The following NRP1 variants were observed in gnomAD, a reference collection of about 807,000 sequenced individuals.
NRP1 encodes neuropilin-1.
NRP1 carries 35 observed loss-of-function variants against 106.7 expected under a neutral mutation model. That is an observed-to-expected ratio of 0.33 (90% CI 0.25 to 0.43). NRP1 has a LOEUF of 0.43. NRP1 is among the 20% of genes least tolerant of loss of function. The pLI is 1.00. For missense variants in NRP1, 1,024 were observed against 1,170.4 expected, an observed-to-expected ratio of 0.87 and a Z score of 1.83; for synonymous variants, 437 against 417.9, an observed-to-expected ratio of 1.05 and a Z score of -0.56.
At chr10:33,262,268 T>C (rs920371734) in intron 4 of NRP1, among the ~76,000 whole-genome samples, 1 of 152,224 alleles carries the variant, frequency 6.6e-6, no homozygotes, top group African/African-American at 2.4e-5. Context: ...ATTATCCCCC[T>C]CTGTTCAGAA....
chr10:33,223,446 C>T (rs1839413753), intron 7 of NRP1, among the ~76,000 whole-genome samples: 1 of 149,128 alleles, frequency 6.7e-6, no homozygotes, highest in Non-Finnish European at 1.5e-5. Context: ...CATAGTGAGA[C>T]TCCATCTCTC....
intron 2 of NRP1, among the ~76,000 whole-genome samples, chr10:33,284,497 A>T (rs1844374356): frequency 6.6e-6 from 1 of 152,206 alleles, no homozygotes; most frequent in Non-Finnish European, 1.5e-5. Flanking sequence ...TCCAGTTGAA[A>T]CTTATTAAAA....
intron 11 of NRP1, among the ~76,000 whole-genome samples, chr10:33,200,571 T>A (rs1383476855): frequency 6.6e-6 from 1 of 152,184 alleles, no homozygotes; most frequent in Non-Finnish European, 1.5e-5. Flanking sequence ...TGATCCCAAT[T>A]TCCATGTTCT....
intron 2 of NRP1, among the ~76,000 whole-genome samples, chr10:33,314,641 C>T (rs539531336): frequency 1.2e-4 from 19 of 152,086 alleles, no homozygotes; most frequent in Admixed American, 7.9e-4. Context: ...TTGTGCCACA[C>T]GCCTTAAGAA....
At position 33,319,514 on chromosome 10, in the gene NRP1, T is replaced by G. The variant is rs113961739; in HGVS notation, c.248+11194A>C. 6.0e-3 allele frequency among the ~76,000 whole-genome samples: 915 copies of G among 151,562 alleles called. 12 individuals carry two copies. Among genetic ancestry groups the G allele is most frequent in the African/African-American group, 0.02 (846 of 41,358 alleles). On this transcript the variant is annotated intron_variant, in intron 2 of 16. Coordinates refer to ENST00000374867, the MANE Select transcript of NRP1 (RefSeq NM_003873.7). ...GGCTGTGGAAGCTTTGTTCTTTCCCTCCTCACAATAAATCTTGCTGGTGCT... is the reference window on the plus strand; with the variant it reads ...GGCTGTGGAAGCTTTGTTCTTTCCCGCCTCACAATAAATCTTGCTGGTGCT...
intron 12 of NRP1, 117 bp from the exon 13 acceptor site, chr10:33,192,535 C>A (rs1190073307): frequency 4.6e-6 from 5 of 1,080,422 alleles, no homozygotes; most frequent in Admixed American, 5.1e-5. Flanking sequence ...AACTTTATGT[C>A]TGTTTGAAAA....
intron 15 of NRP1, among the ~76,000 whole-genome samples, chr10:33,185,282 A>T (rs1048894138): frequency 1.3e-5 from 2 of 152,238 alleles, no homozygotes; most frequent in African/African-American, 4.8e-5. Flanking sequence ...GATATTTGGA[A>T]TTATCCAGAT....
chr10:33,289,316 G>A (rs1319058288), intron 2 of NRP1, among the ~76,000 whole-genome samples: 1 of 152,052 alleles, frequency 6.6e-6, no homozygotes, highest in African/African-American at 2.4e-5. Flanking sequence ...CAAATACTTA[G>A]GGGGCTTAGT....
chr10:33,327,365 T>C (rs1167722744), intron 2 of NRP1, among the ~76,000 whole-genome samples: 1 of 152,120 alleles, frequency 6.6e-6, no homozygotes, highest in East Asian at 1.9e-4. Flanking sequence ...GACATCAGCA[T>C]AGCAAATGTT....
chr10:33,279,857 G>A (rs1472956346), intron 2 of NRP1, among the ~76,000 whole-genome samples: 1 of 152,200 alleles, frequency 6.6e-6, no homozygotes, highest in Non-Finnish European at 1.5e-5. Context: ...GCAGGACTGG[G>A]AAGCAAGTGA....
In NRP1 at chr10:33,180,358, C is replaced by A. The variant is rs2229936; in HGVS notation, c.2490G>T (p.Thr830=). 1.1e-5 allele frequency: 17 copies of A among 1,589,690 alleles called. 1 individual carries two copies. In the South Asian group the frequency reaches 1.6e-4, roughly 15 times the overall value. Residue 830 remains threonine, a synonymous_variant, in exon 17 of 17, where the codon ACG becomes ACT. Coordinates refer to ENST00000374867, the MANE Select transcript of NRP1 (RefSeq NM_003873.7). ...PEIKIDETGS[T]PGYEGEGEGD... is the part of the protein sequence containing the mutation. Reference sequence around the variant, plus strand: ...CTTCTCCTTCACCTTCGTATCCTGGCGTGCTCCCTATGGAAAAAAACAATA... The same window carrying A: ...CTTCTCCTTCACCTTCGTATCCTGGAGTGCTCCCTATGGAAAAAAACAATA...
intron 2 of NRP1, 57 bp downstream of exon 2, chr10:33,330,651 A>G (rs775382861): frequency 4.5e-5 from 66 of 1,467,372 alleles, no homozygotes; most frequent in Admixed American, 2.4e-4. Flanking sequence ...CCCCCCGTAG[A>G]CAGGCGTGAC....
At chr10:33,218,202 C>T (rs571244365) in intron 8 of NRP1, among the ~76,000 whole-genome samples, 2 of 152,262 alleles carry the variant, frequency 1.3e-5, no homozygotes, top group African/African-American at 4.8e-5. Context: ...AATGATGAAG[C>T]CTACTTTGTC....
At position 33,330,944 on chromosome 10, in the gene NRP1, A is replaced by G. The variant is rs952552898; in HGVS notation, c.74-62T>C. Reference sequence around the variant, plus strand: ...ACAACCTGTTAGGTAATCTAGCTTTATATGTAAATTACTGGTTATTAAACA... The same window carrying G: ...ACAACCTGTTAGGTAATCTAGCTTTGTATGTAAATTACTGGTTATTAAACA... On this transcript the variant is annotated intron_variant, in intron 1 of 16. Transcript: ENST00000374867. 10 of 1,388,556 alleles carry G rather than the reference A, an allele frequency of 7.2e-6. No homozygotes were observed. The African/African-American group carries it at 8.7e-5, about 12-fold the overall frequency. 86.0% of individuals were successfully genotyped at this position (1,388,556 alleles called of 1,614,324 possible).
chr10:33,332,704 G>C (rs952472207), intron 1 of NRP1, among the ~76,000 whole-genome samples: 8 of 152,188 alleles, frequency 5.3e-5, no homozygotes, highest in African/African-American at 1.9e-4. Context: ...AATTAATTTA[G>C]CAGACACTGG....
At chr10:33,306,507 C>T (rs1261345805) in intron 2 of NRP1, among the ~76,000 whole-genome samples, 1 of 152,076 alleles carries the variant, frequency 6.6e-6, no homozygotes, top group Non-Finnish European at 1.5e-5. Flanking sequence ...TTAAGACAGG[C>T]CAGGCAACGA....
intron 2 of NRP1, among the ~76,000 whole-genome samples, chr10:33,274,225 C>G (rs1034212954): frequency 6.6e-6 from 1 of 152,048 alleles, no homozygotes; most frequent in Non-Finnish European, 1.5e-5. Context: ...TCATGAGTGT[C>G]CCTGGCTTTA....
At chr10:33,188,675 G>A (rs531696627) in intron 13 of NRP1, among the ~76,000 whole-genome samples, 3 of 151,930 alleles carry the variant, frequency 2.0e-5, no homozygotes, top group Admixed American at 6.5e-5. Context: ...TCAGGAGTCC[G>A]AGACCAGCCT....
intron 10 of NRP1, among the ~76,000 whole-genome samples, chr10:33,203,634 C>T (rs757363023): frequency 1.3e-5 from 2 of 151,370 alleles, no homozygotes; most frequent in Non-Finnish European, 2.9e-5. Context: ...TTTACATGAA[C>T]TCTCATAGGA....
Sources: allele counts gnomAD v4.1 joint callset (sites outside exome capture counted in the v4.1 genomes callset), GRCh38; gene constraint gnomAD v4.1.1; transcripts MANE v1.5; gene names NCBI Gene and HGNC (gene_info 2026-07-23, HGNC 2026-07-21).